WDR35: variants seen among roughly 807,000 people sequenced by gnomAD.
The protein encoded by WDR35 is WD repeat domain 35.
WDR35 carries 118 observed loss-of-function variants against 158.3 expected under a neutral mutation model. That is an observed-to-expected ratio of 0.75 (90% CI 0.64 to 0.87). The LOEUF is 0.87. Ranked by LOEUF, WDR35 falls within the 40% of genes least tolerant of loss-of-function variation. WDR35 has a pLI of 0.00. For missense variants in WDR35, 1,263 were observed against 1,405.8 expected (o/e 0.90, Z 1.62); for synonymous variants, 448 against 476.1 (o/e 0.94, Z 0.77).
intron 11 of WDR35, among the ~76,000 whole-genome samples, chr2:19,954,234 A>T (rs1671348567): frequency 6.6e-6 from 1 of 152,252 alleles, no homozygotes; most frequent in South Asian, 2.1e-4. Context: ...AAAACTTGGG[A>T]ATACACCTTT....
chr2:19,962,352 GGAGAAATTCA>G, intron 10 of WDR35: 1 of 1,611,916 alleles, frequency 6.2e-7, no homozygotes, highest in Non-Finnish European at 8.5e-7. Context: ...ATAAATGACA[GGAGAAATTCA>G]GAAAAATTCA....
rs1301451424 is a variant in WDR35 at position 19,974,483 on chromosome 2, G to T, written c.721C>A (p.His241Asn). Reference sequence around the variant, plus strand: ...AATTCCTTACTTTGGTCATTCTCATGTCTCATTATTTGGCATCTTCCATTA... The same window carrying T: ...AATTCCTTACTTTGGTCATTCTCATTTCTCATTATTTGGCATCTTCCATTA... ...FDNGRCQIMR[H>N]ENDQNPVLID... The change falls in exon 7 of 27, where the codon CAT (histidine) becomes AAT (asparagine). Residue 241 changes from histidine to asparagine, a missense_variant. His to Asn is a moderately conservative substitution (Grantham distance 68). Coordinates refer to ENST00000281405, the MANE Select transcript of WDR35 (RefSeq NM_020779.4). 1 of 1,608,826 alleles carries T rather than the reference G, an allele frequency of 6.2e-7. No individual in the cohort carries two copies. The highest frequency in any genetic ancestry group is 1.3e-5 in the African/African-American group (1 of 74,710).
chr2:19,969,754 T>C, intron 8 of WDR35, 149 bp from the exon 9 acceptor site: 1 of 905,000 alleles, frequency 1.1e-6, no homozygotes, highest in Non-Finnish European at 1.6e-6. Flanking sequence ...TTGAATTTTT[T>C]TTTTTTTTTT....
At chr2:19,936,766 G>GCC (rs1670710239) in intron 19 of WDR35, among the ~76,000 whole-genome samples, 1 of 152,114 alleles carries the variant, frequency 6.6e-6, no homozygotes, top group Admixed American at 6.6e-5. Flanking sequence ...GTGAGACAGG[G>GCC]CCCTCAACAG....
In WDR35 at chr2:19,911,967, A is replaced by C. The variant is rs1020512162; in HGVS notation, c.*1591T>G. 2 of 152,116 alleles carry C rather than the reference A, an allele frequency of 1.3e-5. No homozygotes were observed. Among genetic ancestry groups the C allele is most frequent in the Non-Finnish European group, 2.9e-5 (2 of 68,034 alleles). 9.4% of individuals were successfully genotyped at this position (152,116 alleles called of 1,614,324 possible). A position where few individuals can be genotyped will look rare whatever the true frequency, so the allele number is the denominator to read the frequency against. On this transcript the variant is annotated 3_prime_UTR_variant, in exon 27 of 27. Coordinates refer to ENST00000281405, the MANE Select transcript of WDR35 (RefSeq NM_020779.4). ...TGACACCCTTCTATAGAGCAAGTGT[A>C]CATCGTTGGCCTCAGGCACATTTCA...
chr2:19,961,748 A>G (rs1219437204), intron 10 of WDR35, among the ~76,000 whole-genome samples: 1 of 152,218 alleles, frequency 6.6e-6, no homozygotes, highest in East Asian at 1.9e-4. Flanking sequence ...GGGCCAAAGG[A>G]CAATAATGTC....
chr2:19,911,388 G>A lies in WDR35; in HGVS notation c.*2170C>T, dbSNP rs1342259008. 6.6e-6 allele frequency: 1 copy of A among 152,214 alleles called. No homozygotes were observed. The highest frequency in any genetic ancestry group is 2.1e-4 in the South Asian group (1 of 4,830). The allele number at this position is 152,214 out of a possible 1,614,324, so 9.4% of individuals were successfully genotyped here. ...CTGTCCTGCAGGAACCTTTCAGACAGGCAGAACTAATAAGTGTGCCATCCC... is the reference window on the plus strand; with the variant it reads ...CTGTCCTGCAGGAACCTTTCAGACAAGCAGAACTAATAAGTGTGCCATCCC... On this transcript the variant is annotated 3_prime_UTR_variant, in exon 27 of 27. Coordinates refer to ENST00000281405, the MANE Select transcript of WDR35 (RefSeq NM_020779.4).
chr2:19,925,366 G>T (rs1670326208), intron 25 of WDR35, among the ~76,000 whole-genome samples: 1 of 152,186 alleles, frequency 6.6e-6, no homozygotes, highest in South Asian at 2.1e-4. Flanking sequence ...GGGGAAAAGT[G>T]AAATTAAACC....
intron 25 of WDR35, among the ~76,000 whole-genome samples, chr2:19,919,568 G>A (rs1441193163): frequency 1.3e-5 from 2 of 152,134 alleles, no homozygotes; most frequent in African/African-American, 4.8e-5. Context: ...CAGAATTTCT[G>A]GAATGCATTT....
chr2:19,930,858 T>C, intron 24 of WDR35, among the ~76,000 whole-genome samples: 1 of 152,314 alleles, frequency 6.6e-6, no homozygotes, highest in South Asian at 2.1e-4. Flanking sequence ...TTTTTTATTA[T>C]AATTCATAGT....
At chr2:19,925,341 G>T (rs1216103016) in intron 25 of WDR35, among the ~76,000 whole-genome samples, 1 of 152,180 alleles carries the variant, frequency 6.6e-6, no homozygotes, top group African/African-American at 2.4e-5. Context: ...TCCTTATTCT[G>T]CCATATGTGG....
chr2:19,980,859 A>T, intron 3 of WDR35, 76 bp from the exon 4 acceptor site: 1 of 1,294,304 alleles, frequency 7.7e-7, no homozygotes, highest in Non-Finnish European at 1.1e-6. Flanking sequence ...ATAAACACCA[A>T]GATCATGTTA....
chr2:19,946,673 G>A, intron 14 of WDR35, 103 bp from the exon 15 acceptor site: 1 of 1,027,706 alleles, frequency 9.7e-7, no homozygotes, highest in Non-Finnish European at 1.5e-6. Context: ...AAACCAAAGT[G>A]ATGTCACAGC....
rs12988913 is a variant in WDR35 at position 19,951,787 on chromosome 2, T to C, written c.1401-303A>G. The C allele has an allele frequency of 0.23, 54,080 of 231,696 alleles. 6,812 individuals are homozygous for C. The highest frequency in any genetic ancestry group is 0.26 in the East Asian group (2,899 of 10,952). The allele number at this position is 231,696 out of a possible 1,614,324, so 14.4% of individuals were successfully genotyped here. A position where few individuals can be genotyped will look rare whatever the true frequency, so the allele number is the denominator to read the frequency against. The stretch of plus-strand genomic sequence containing the variant: ...AGAGACATTTTACCTTACCCTCCAC[T>C]TGAACATCAGTAAAGAGTAACATCT... On this transcript the variant is annotated intron_variant, in intron 12 of 26. Coordinates refer to ENST00000281405, the MANE Select transcript of WDR35 (RefSeq NM_020779.4).
At chr2:19,925,292 T>C (rs6721864) in intron 25 of WDR35, among the ~76,000 whole-genome samples, 69,824 of 152,128 alleles carry the variant, frequency 0.46, 16,262 homozygotes, top group East Asian at 0.64. Flanking sequence ...TATCTACTTC[T>C]GTTCCCTAGA....
At chr2:19,931,045 T>C (rs1476228252) in intron 24 of WDR35, among the ~76,000 whole-genome samples, 1 of 152,150 alleles carries the variant, frequency 6.6e-6, no homozygotes, top group Non-Finnish European at 1.5e-5. Context: ...AAGCAAAGAC[T>C]ACAGATTAGT....
At chr2:19,983,788 T>C (rs1223837227) in intron 2 of WDR35, among the ~76,000 whole-genome samples, 1 of 152,162 alleles carries the variant, frequency 6.6e-6, no homozygotes, top group Non-Finnish European at 1.5e-5. Context: ...AGTACACATG[T>C]ACAGTTTAAC....
rs1553316753 is a variant in WDR35 at position 19,934,024 on chromosome 2, A to AACAACCACCACC, written c.2548-514_2548-513insGGTGGTGGTTGT. Among the ~76,000 whole-genome samples, 1 of 105,072 alleles carries AACAACCACCACC rather than the reference A, an allele frequency of 9.5e-6. No individual in the cohort carries two copies. Among genetic ancestry groups the AACAACCACCACC allele is most frequent in the Admixed American group, 1.0e-4 (1 of 9,524 alleles). 68.9% of individuals were successfully genotyped at this position (105,072 alleles called of 152,430 possible). A position where few individuals can be genotyped will look rare whatever the true frequency, so the allele number is the denominator to read the frequency against. On this transcript the variant is annotated intron_variant, in intron 21 of 26. Transcript: ENST00000281405. The surrounding 1 kb of genome is among the most constrained non-coding windows in gnomAD (Gnocchi z 4.6). ...TTGGAAAGTGGTGGCAGCGAGGAAG[A>AACAACCACCACC]ACCACCACCACCACCACCACCACCA...
rs774768083 is a variant in WDR35, at chr2:19,913,611, G to C, written c.3460C>G (p.Gln1154Glu). Residue 1154 changes from glutamine (Q) to glutamate (E), a missense_variant, in exon 27 of 27, where the codon CAG (glutamine) becomes GAG (glutamate). Coordinates refer to ENST00000281405, the MANE Select transcript of WDR35 (RefSeq NM_020779.4). ...CAGAAGCTGTAGTGGCTTATTTCCT[G>C]AGCAAGGACACCGTGTTTGCATACA... ...CSVCKHGVLA[Q>E]EISHYSFCPL... 21 of 1,613,944 alleles carry C rather than the reference G, an allele frequency of 1.3e-5. No homozygotes were observed. The African/African-American group carries it at 2.7e-4, about 21-fold the overall frequency.
Sources: gnomAD v4.1 joint callset for allele counts (sites outside exome capture counted in the v4.1 genomes callset) on GRCh38, gnomAD v4.1.1 for gene constraint, Gnocchi (gnomAD v3.1) non-coding constraint, MANE v1.5 for transcripts, NCBI Gene and HGNC (gene_info 2026-07-23, HGNC 2026-07-21) for gene names.